MRPS28: variants seen among roughly 807,000 people sequenced by gnomAD.
MRPS28 encodes the protein mitochondrial ribosomal protein S28.
Under a neutral mutation model 10.8 loss-of-function variants are expected in MRPS28, and 7 were observed. The observed-to-expected ratio is 0.65, with a 90% CI of 0.37 to 1.22. MRPS28 has a LOEUF of 1.22. MRPS28 is among the 50% of genes most tolerant of loss of function. The pLI is 0.02. For missense variants in MRPS28, 265 were observed against 232.9 expected (o/e 1.14, Z -0.90); for synonymous variants, 121 against 93.3 (o/e 1.30, Z -1.71).
chr8:79,979,688 C>T (rs894596342), intron 2 of MRPS28, among the ~76,000 whole-genome samples: 4 of 151,614 alleles, frequency 2.6e-5, no homozygotes, highest in African/African-American at 9.7e-5. Flanking sequence ...TGCACTCATC[C>T]CAGGTCTGCT....
intron 2 of MRPS28, among the ~76,000 whole-genome samples, chr8:79,952,578 T>C (rs1161118591): frequency 1.3e-5 from 2 of 152,138 alleles, no homozygotes; most frequent in Admixed American, 6.5e-5. Flanking sequence ...CATGGCAAAA[T>C]AGCAATCATA....
chr8:79,988,189 G>T (rs1390246169), intron 2 of MRPS28, among the ~76,000 whole-genome samples: 1 of 145,952 alleles, frequency 6.9e-6, no homozygotes, highest in Non-Finnish European at 1.5e-5. Context: ...ACCAAACACC[G>T]CATATTCTCA....
intron 1 of MRPS28, among the ~76,000 whole-genome samples, chr8:80,016,487 C>T (rs2130219348): frequency 6.6e-6 from 1 of 151,484 alleles, no homozygotes; most frequent in East Asian, 1.9e-4. Context: ...GAATTAAAGA[C>T]TTTCTCAGAC....
chr8:79,955,723 T>C (rs1291706035), intron 2 of MRPS28, among the ~76,000 whole-genome samples: 1 of 152,162 alleles, frequency 6.6e-6, no homozygotes, highest in African/African-American at 2.4e-5. Flanking sequence ...CCAAATTTAG[T>C]TGCTTAAAAC....
At chr8:79,952,629 C>T (rs1020666190) in intron 2 of MRPS28, among the ~76,000 whole-genome samples, 1 of 152,114 alleles carries the variant, frequency 6.6e-6, no homozygotes, top group Non-Finnish European at 1.5e-5. Flanking sequence ...ACTACCTACC[C>T]CCCTACATCA....
intron 2 of MRPS28, among the ~76,000 whole-genome samples, chr8:79,937,833 C>T (rs747628945): frequency 6.6e-6 from 1 of 152,074 alleles, no homozygotes; most frequent in Non-Finnish European, 1.5e-5. Flanking sequence ...AAATGAGAGA[C>T]ACAGGGCTGT....
intron 2 of MRPS28, among the ~76,000 whole-genome samples, chr8:79,975,190 G>C (rs1807760602): frequency 6.6e-6 from 1 of 152,116 alleles, no homozygotes; most frequent in African/African-American, 2.4e-5. Context: ...CCAGCTACTT[G>C]AAGGGCTGAG....
intron 2 of MRPS28, among the ~76,000 whole-genome samples, chr8:79,923,494 T>C (rs1013306579): frequency 6.6e-6 from 1 of 152,198 alleles, no homozygotes; most frequent in Admixed American, 6.5e-5. Flanking sequence ...AAATAAATTA[T>C]CATTAAAAAC....
chr8:80,024,821 G>GAAAACAGGAT (rs1809457369), intron 1 of MRPS28, among the ~76,000 whole-genome samples: 1 of 152,164 alleles, frequency 6.6e-6, no homozygotes, highest in Admixed American at 6.5e-5. Context: ...ACTACAGCTA[G>GAAAACAGGAT]AAAACAGGAT....
chr8:79,972,988 T>C (rs368633550), intron 2 of MRPS28, among the ~76,000 whole-genome samples: 76 of 152,290 alleles, frequency 5.0e-4, no homozygotes, highest in African/African-American at 1.3e-3. Context: ...CTTTCAGTCA[T>C]TGGAAGGAAA....
chr8:79,922,592 T>C (rs555083483), intron 2 of MRPS28, among the ~76,000 whole-genome samples: 1 of 151,892 alleles, frequency 6.6e-6, no homozygotes, highest in South Asian at 2.1e-4. Flanking sequence ...ATATGTACAA[T>C]TTTTATTAGT....
At chr8:79,988,348 A>C (rs1808256596) in intron 2 of MRPS28, among the ~76,000 whole-genome samples, 1 of 151,916 alleles carries the variant, frequency 6.6e-6, no homozygotes, top group East Asian at 1.9e-4. Context: ...GGTGCAGCAC[A>C]CCAGCATGGC....
At chr8:79,929,323 T>C (rs1364308508) in intron 2 of MRPS28, among the ~76,000 whole-genome samples, 1 of 152,218 alleles carries the variant, frequency 6.6e-6, no homozygotes, top group Non-Finnish European at 1.5e-5. Context: ...TATTCTCTAA[T>C]GTATAATCTG....
chr8:79,934,686 T>A (rs139223290), intron 2 of MRPS28, among the ~76,000 whole-genome samples: 5 of 152,206 alleles, frequency 3.3e-5, no homozygotes, highest in Non-Finnish European at 7.3e-5. Context: ...TTTCACAACA[T>A]AGTATTTATA....
At chr8:79,997,005 T>A (rs1440608567) in intron 2 of MRPS28, among the ~76,000 whole-genome samples, 2 of 152,242 alleles carry the variant, frequency 1.3e-5, no homozygotes, top group African/African-American at 2.4e-5. Flanking sequence ...GGATAATACC[T>A]ACTATCTATG....
intron 2 of MRPS28, among the ~76,000 whole-genome samples, chr8:79,920,369 G>A (rs1810057012): frequency 6.6e-5 from 10 of 152,170 alleles, no homozygotes; most frequent in Admixed American, 6.5e-4. Context: ...TTGCCACACT[G>A]TCTTCCACAA....
chr8:79,991,909 GCTCTCTCTCTCTCTCT>G lies in MRPS28; in HGVS notation c.395+11074_395+11089del, dbSNP rs33936648. On this transcript the variant is annotated intron_variant, in intron 2 of 2. Coordinates refer to ENST00000276585, the MANE Select transcript of MRPS28 (RefSeq NM_014018.3). ...TAAAAGGCATCACCACTTCCTCCTT[GCTCTCTCTCTCTCTCT>G]CTCTCTCTCTCTCTCTCTCTCTCTC... Among the ~76,000 whole-genome samples, 1,050 of 133,098 alleles carry G rather than the reference GCTCTCTCTCTCTCTCT, an allele frequency of 7.9e-3. 13 individuals are homozygous for G. Among genetic ancestry groups the G allele is most frequent in the African/African-American group, 0.021 (682 of 32,594 alleles). The allele number at this position is 133,098 out of a possible 152,430, so 87.3% of individuals were successfully genotyped here.
At chr8:79,949,422 A>AAAAAAACAACAAC (rs1180537109) in intron 2 of MRPS28, among the ~76,000 whole-genome samples, 1 of 151,804 alleles carries the variant, frequency 6.6e-6, no homozygotes, top group African/African-American at 2.4e-5. Flanking sequence ...TCAAAAAAAA[A>AAAAAAACAACAAC]AAAAAACAAC....
At chr8:79,958,294 C>T in intron 2 of MRPS28, 2 of 662,244 alleles carry the variant, frequency 3.0e-6, no homozygotes, top group Non-Finnish European at 2.7e-6. Flanking sequence ...TTTCATTTGG[C>T]ATAATGTTTT....
Sources: gnomAD v4.1 joint callset for allele counts (sites outside exome capture counted in the v4.1 genomes callset) on GRCh38, gnomAD v4.1.1 for gene constraint, MANE v1.5 for transcripts, NCBI Gene and HGNC (gene_info 2026-07-23, HGNC 2026-07-21) for gene names.